Variants in DYRK1A observed in about 807,000 individuals in gnomAD.
DYRK1A encodes dual specificity tyrosine phosphorylation regulated kinase 1A.
A neutral mutation model predicts 79.7 loss-of-function variants in DYRK1A; 9 were observed. That is an observed-to-expected ratio of 0.11 (90% CI 0.07 to 0.20). The LOEUF is 0.20. Among genes scored for constraint, DYRK1A ranks in the 10% least tolerant of loss-of-function variants. DYRK1A has a pLI of 1.00. For synonymous variants in DYRK1A, 349 were observed against 329.7 expected (o/e 1.06, Z -0.63); for missense variants, 622 against 956.0 (o/e 0.65, Z 4.61).
chr21:37,466,241 T>C (rs530034677), intron 2 of DYRK1A, among the ~76,000 whole-genome samples: 4 of 151,940 alleles, frequency 2.6e-5, no homozygotes, highest in African/African-American at 9.7e-5. Flanking sequence ...ACAGTAGATA[T>C]ACACACATAT....
intron 1 of DYRK1A, among the ~76,000 whole-genome samples, chr21:37,417,536 T>TTTTCTTTTTCTTTTTTC (rs1569304627): frequency 9.5e-6 from 1 of 105,094 alleles, no homozygotes; most frequent in Non-Finnish European, 2.1e-5. Flanking sequence ...TTTCTTTTTT[T>TTTTCTTTTTCTTTTTTC]TTTTTTTTTT....
At chr21:37,419,342 G>C (rs889686075) in intron 1 of DYRK1A, 2 of 152,188 alleles carry the variant, frequency 1.3e-5, no homozygotes, top group African/African-American at 4.8e-5. Flanking sequence ...GAGGCATTGG[G>C]AATTGAGAGG....
chr21:37,392,198 T>C (rs2049883219), intron 1 of DYRK1A, among the ~76,000 whole-genome samples: 1 of 152,196 alleles, frequency 6.6e-6, no homozygotes, highest in Non-Finnish European at 1.5e-5. Context: ...AGTGTTAAAA[T>C]GCTCAATCCA....
Position 37,506,235 on chromosome 21 carries a change from C to T in DYRK1A, c.1644+12C>T, listed in dbSNP as rs758676623. On this transcript the variant is annotated intron_variant, in intron 11 of 11. Transcript: ENST00000647188. ...CACACAGTCCCCAGGTGAGCTCGCA[C>T]GTGGTTCATTTGCTTGTGTCACCTG... 2.0e-5 allele frequency: 33 copies of T among 1,613,792 alleles called. No individual in the cohort carries two copies. The highest frequency in any genetic ancestry group is 3.3e-5 in the Admixed American group (2 of 59,982).
At chr21:37,453,980 A>C (rs1394727619) in intron 2 of DYRK1A, among the ~76,000 whole-genome samples, 1 of 151,848 alleles carries the variant, frequency 6.6e-6, no homozygotes, top group East Asian at 1.9e-4. Flanking sequence ...TATATTTTGC[A>C]GTCAATATAA....
At chr21:37,470,647 A>ATT (rs989530799) in intron 2 of DYRK1A, among the ~76,000 whole-genome samples, 31 of 152,272 alleles carry the variant, frequency 2.0e-4, no homozygotes, top group African/African-American at 7.2e-4. Context: ...AATTCTTTTT[A>ATT]TTTATATTCC....
chr21:37,486,525 A>G lies in DYRK1A; in HGVS notation c.548A>G (p.Asn183Ser). ...TGGGTTGCCATTAAAATAATAAAGA[A>G]CAAGAAGGCTTTTCTGAATCAAGCA... ...QEWVAIKIIK[N>S]KKAFLNQAQI... Residue 183 changes from asparagine (N) to serine (S), a missense_variant, in exon 6 of 12, where the codon AAC becomes AGC. By Grantham distance (46) the Asn-to-Ser change is conservative. Transcript: ENST00000647188. The G allele has an allele frequency of 6.3e-7, 1 of 1,598,808 alleles. No individual in the cohort carries two copies. The highest frequency in any genetic ancestry group is 8.5e-7 in the Non-Finnish European group (1 of 1,173,612).
intron 2 of DYRK1A, among the ~76,000 whole-genome samples, chr21:37,431,635 C>T (rs1342966524): frequency 6.6e-6 from 1 of 152,206 alleles, no homozygotes; most frequent in Non-Finnish European, 1.5e-5. Flanking sequence ...CTACTTACCC[C>T]TTGCAGTAGC....
At chr21:37,388,812 T>G (rs893075278) in intron 1 of DYRK1A, among the ~76,000 whole-genome samples, 2 of 151,678 alleles carry the variant, frequency 1.3e-5, no homozygotes, top group Admixed American at 1.3e-4. Context: ...GCCCGGCTAA[T>G]TTTTTGTATT....
chr21:37,479,600 G>GTT (rs1569362052), intron 4 of DYRK1A, among the ~76,000 whole-genome samples: 6 of 22,794 alleles, frequency 2.6e-4, no homozygotes, highest in African/African-American at 1.2e-3. Context: ...TTTTGTTTTT[G>GTT]TTTTTGTTTT....
At chr21:37,401,245 A>C (rs1048227306) in intron 1 of DYRK1A, among the ~76,000 whole-genome samples, 2 of 152,186 alleles carry the variant, frequency 1.3e-5, no homozygotes, top group African/African-American at 4.8e-5. Context: ...CCCATTGTGA[A>C]TAAAATATAA....
At chr21:37,470,271 A>G (rs1263772172) in intron 2 of DYRK1A, among the ~76,000 whole-genome samples, 1 of 152,100 alleles carries the variant, frequency 6.6e-6, no homozygotes, top group Non-Finnish European at 1.5e-5. Flanking sequence ...GATGCTGGCC[A>G]TTTTTTCCCC....
intron 5 of DYRK1A, among the ~76,000 whole-genome samples, chr21:37,484,652 T>C (rs1182483034): frequency 4.6e-5 from 7 of 152,128 alleles, no homozygotes; most frequent in Non-Finnish European, 1.0e-4. Context: ...TTTCTAACTT[T>C]CCTGACATCT....
intron 2 of DYRK1A, among the ~76,000 whole-genome samples, chr21:37,459,611 T>C (rs1158540421): frequency 6.6e-6 from 1 of 152,198 alleles, no homozygotes. Context: ...GAATAAATAA[T>C]GTTATTCTAA....
rs777551450 is a variant in DYRK1A at position 37,370,289 on chromosome 21, C to CTTT, written c.-77+2673_-77+2675dup. The stretch of plus-strand genomic sequence containing the variant: ...TGAATCTTTGTTTTCACTTGAAAAC[C>CTTT]TTTTTTTTTTTTTTAAGAAATAGCT... On this transcript the variant is annotated intron_variant, in intron 1 of 11. Transcript: ENST00000647188. Among the ~76,000 whole-genome samples the CTTT allele has an allele frequency of 2.5e-3, 352 of 140,424 alleles. 1 individual carries two copies. Among genetic ancestry groups the CTTT allele is most frequent in the Middle Eastern group, 3.7e-3 (1 of 270 alleles). 92.1% of individuals were successfully genotyped at this position (140,424 alleles called of 152,430 possible).
intron 1 of DYRK1A, among the ~76,000 whole-genome samples, chr21:37,390,781 G>T (rs2148386011): frequency 6.6e-6 from 1 of 152,142 alleles, no homozygotes; most frequent in East Asian, 1.9e-4. Flanking sequence ...TGTTGCCCAG[G>T]CTGGTTTCGA....
Position 37,515,164 on chromosome 21 carries a change from A to C in DYRK1A, c.*2633A>C, listed in dbSNP as rs1057097370. On this transcript the variant is annotated 3_prime_UTR_variant, in exon 12 of 12. Coordinates refer to ENST00000647188, the MANE Select transcript of DYRK1A (RefSeq NM_001347721.2). The stretch of plus-strand genomic sequence containing the variant: ...CGGTCTTATGTATGATAAACAGTTG[A>C]ATAATTTGTCCTCAGACTCTTTACT... 2 of 152,648 alleles carry C rather than the reference A, an allele frequency of 1.3e-5. No individual in the cohort carries two copies. Among genetic ancestry groups the C allele is most frequent in the African/African-American group, 4.8e-5 (2 of 41,462 alleles). The allele number at this position is 152,648 out of a possible 1,614,324, so 9.5% of individuals were successfully genotyped here.
intron 2 of DYRK1A, among the ~76,000 whole-genome samples, chr21:37,424,389 A>G (rs760680050): frequency 2.6e-5 from 4 of 152,218 alleles, no homozygotes; most frequent in Non-Finnish European, 5.9e-5. Flanking sequence ...ATATATATAG[A>G]TAAGTATAAG....
intron 1 of DYRK1A, among the ~76,000 whole-genome samples, chr21:37,401,482 C>CTTTTTTTTTTTTTTT (rs60091331): frequency 1.5e-5 from 2 of 137,512 alleles, no homozygotes; most frequent in Non-Finnish European, 3.1e-5. Context: ...TTTCTAGTTC[C>CTTTTTTTTTTTTTTT]TTTTTTTTTT....
Sources: allele counts gnomAD v4.1 joint callset (sites outside exome capture counted in the v4.1 genomes callset), GRCh38; gene constraint gnomAD v4.1.1; transcripts MANE v1.5; gene names NCBI Gene and HGNC (gene_info 2026-07-23, HGNC 2026-07-21).